Variants in LRFN2 observed in about 807,000 individuals in gnomAD.
LRFN2 encodes leucine-rich repeat and fibronectin type-III domain-containing protein 2.
LRFN2 carries 18 observed loss-of-function variants against 37.3 expected under a neutral mutation model. The ratio of observed to expected loss-of-function variants is 0.48; its 90% CI spans 0.33 to 0.72. The LOEUF is 0.72. Among genes scored for constraint, LRFN2 ranks in the 30% least tolerant of loss-of-function variants. The pLI, the probability that LRFN2 is intolerant of heterozygous loss-of-function variation, is 0.02. For synonymous variants in LRFN2, 556 were observed against 466.6 expected, an observed-to-expected ratio of 1.19 and a Z score of -2.47; for missense variants, 1,006 against 1,060.7, an observed-to-expected ratio of 0.95 and a Z score of 0.72.
Position 40,431,740 on chromosome 6 carries a change from G to A in LRFN2, c.1374C>T (p.Cys458=), listed in dbSNP as rs759574142. Residue 458 remains cysteine, a synonymous_variant, in exon 2 of 3, where the codon TGC becomes TGT. Coordinates refer to ENST00000338305, the MANE Select transcript of LRFN2 (RefSeq NM_020737.3). The part of the protein sequence containing the change: ...RVKMYQLQYN[C]SDDEVLIYRM... ...TGTAAATCAGTACCTCATCGTCAGA[G>A]CAGTTGTACTGCAGCTGGTACATCT... is the stretch of plus-strand genomic sequence containing the variant. 3.3e-6 allele frequency: 5 copies of A among 1,518,578 alleles called. No individual in the cohort carries two copies. The Admixed American group carries it at 1.1e-4, about 34-fold the overall frequency. 94.1% of individuals were successfully genotyped at this position (1,518,578 alleles called of 1,614,324 possible). A position where few individuals can be genotyped will look rare whatever the true frequency, so the allele number is the denominator to read the frequency against.
intron 1 of LRFN2, among the ~76,000 whole-genome samples, chr6:40,585,138 A>G: frequency 6.6e-6 from 1 of 152,156 alleles, no homozygotes; most frequent in East Asian, 1.9e-4. Flanking sequence ...TAGACAGGAG[A>G]TGGAACTGGG....
At chr6:40,467,751 G>C (rs1457097212) in intron 1 of LRFN2, among the ~76,000 whole-genome samples, 2 of 152,124 alleles carry the variant, frequency 1.3e-5, no homozygotes, top group Non-Finnish European at 2.9e-5. Context: ...CAATCTGATG[G>C]AGGAGATATA....
At chr6:40,426,281 A>T (rs1045738357) in intron 2 of LRFN2, among the ~76,000 whole-genome samples, 2 of 152,226 alleles carry the variant, frequency 1.3e-5, no homozygotes, top group African/African-American at 4.8e-5. Flanking sequence ...TGAAAGTCAG[A>T]CTGCCTGCTT....
chr6:40,434,562 T>A (rs1479969300), intron 1 of LRFN2, among the ~76,000 whole-genome samples: 1 of 151,650 alleles, frequency 6.6e-6, no homozygotes, highest in Non-Finnish European at 1.5e-5. Flanking sequence ...CTGCAACCTC[T>A]GCCTCTGTGG....
chr6:40,586,037 C>G (rs1767497020), intron 1 of LRFN2, among the ~76,000 whole-genome samples: 1 of 152,196 alleles, frequency 6.6e-6, no homozygotes, highest in African/African-American at 2.4e-5. Flanking sequence ...CTCAGTCCCT[C>G]TGCGGTCTCC....
Position 40,503,442 on chromosome 6 carries a change from G to A in LRFN2, c.-18-70311C>T, listed in dbSNP as rs552865995. The stretch of plus-strand genomic sequence containing the variant: ...CTCACTGGTGCAGCCGATGGAGGGC[G>A]GTCCTCTGGGACACAGAGCCATGCA... On this transcript the variant is annotated intron_variant, in intron 1 of 2. Coordinates refer to ENST00000338305, the MANE Select transcript of LRFN2 (RefSeq NM_020737.3). Among the ~76,000 whole-genome samples the A allele has an allele frequency of 7.9e-5, 12 of 152,294 alleles. No homozygotes were observed. In the South Asian group the frequency reaches 8.3e-4, roughly 11 times the overall value.
intron 2 of LRFN2, among the ~76,000 whole-genome samples, chr6:40,417,865 T>A (rs1756078745): frequency 6.6e-6 from 1 of 152,168 alleles, no homozygotes; most frequent in Admixed American, 6.5e-5. Context: ...GATGTGAACA[T>A]TCAGGAGCAA....
intron 1 of LRFN2, among the ~76,000 whole-genome samples, chr6:40,488,415 G>A (rs577636696): frequency 1.8e-4 from 27 of 150,294 alleles, no homozygotes; most frequent in Middle Eastern, 3.4e-3. Flanking sequence ...GCACCCCCAT[G>A]AGAAGTGATC....
At chr6:40,558,351 C>T (rs1197646672) in intron 1 of LRFN2, among the ~76,000 whole-genome samples, 1 of 152,238 alleles carries the variant, frequency 6.6e-6, no homozygotes, top group East Asian at 1.9e-4. Flanking sequence ...ACAGCCAGCA[C>T]TTCCTTCCCC....
intron 1 of LRFN2, among the ~76,000 whole-genome samples, chr6:40,486,629 C>T (rs542293139): frequency 1.6e-4 from 25 of 152,128 alleles, no homozygotes; most frequent in African/African-American, 4.3e-4. Flanking sequence ...AGGATGAGGC[C>T]GCCTCATTTG....
At chr6:40,495,703 G>A (rs1765209210) in intron 1 of LRFN2, among the ~76,000 whole-genome samples, 1 of 152,144 alleles carries the variant, frequency 6.6e-6, no homozygotes, top group Non-Finnish European at 1.5e-5. Context: ...AAAAGCATGG[G>A]TTGTTCCTTT....
chr6:40,416,837 T>C (rs1416606509), intron 2 of LRFN2, among the ~76,000 whole-genome samples: 1 of 152,182 alleles, frequency 6.6e-6, no homozygotes, highest in African/African-American at 2.4e-5. Flanking sequence ...TTCTGCCCAT[T>C]AAATGTGCAA....
At chr6:40,584,448 G>A (rs1270664729) in intron 1 of LRFN2, among the ~76,000 whole-genome samples, 1 of 152,070 alleles carries the variant, frequency 6.6e-6, no homozygotes, top group African/African-American at 2.4e-5. Context: ...CAATAAGTTG[G>A]ACCCTAAAAC....
intron 1 of LRFN2, among the ~76,000 whole-genome samples, chr6:40,585,768 C>T (rs1278410107): frequency 1.3e-5 from 2 of 152,144 alleles, no homozygotes; most frequent in Non-Finnish European, 2.9e-5. Context: ...TTCCCCCTCC[C>T]CCAGTACTAG....
At chr6:40,399,260 G>A (rs1762677840) in intron 2 of LRFN2, among the ~76,000 whole-genome samples, 3 of 151,404 alleles carry the variant, frequency 2.0e-5, no homozygotes, top group African/African-American at 7.3e-5. Context: ...ATGGGGATGG[G>A]TGGGTGGCGG....
At chr6:40,530,824 C>A (rs992596532) in intron 1 of LRFN2, among the ~76,000 whole-genome samples, 1 of 152,128 alleles carries the variant, frequency 6.6e-6, no homozygotes. Context: ...CTAACAGGCA[C>A]CTTGGCCTCA....
chr6:40,551,455 A>T (rs1172542262), intron 1 of LRFN2, among the ~76,000 whole-genome samples: 1 of 152,194 alleles, frequency 6.6e-6, no homozygotes, highest in Non-Finnish European at 1.5e-5. Context: ...CCACATCACC[A>T]CTGGACTTTT....
intron 1 of LRFN2, among the ~76,000 whole-genome samples, chr6:40,457,200 C>T (rs1192910009): frequency 1.3e-5 from 2 of 151,996 alleles, no homozygotes; most frequent in Non-Finnish European, 2.9e-5. Flanking sequence ...TGTCTGTAAG[C>T]CAAGAGAGAT....
chr6:40,468,401 C>T (rs1764520746), intron 1 of LRFN2, among the ~76,000 whole-genome samples: 1 of 152,128 alleles, frequency 6.6e-6, no homozygotes, highest in South Asian at 2.1e-4. Flanking sequence ...ATTAAAACCA[C>T]ACAGAATGGA....
Sources: gnomAD v4.1 joint callset for allele counts (sites outside exome capture counted in the v4.1 genomes callset) on GRCh38, gnomAD v4.1.1 for gene constraint, MANE v1.5 for transcripts, NCBI Gene and HGNC (gene_info 2026-07-23, HGNC 2026-07-21) for gene names.